Variants in ZNRD2 observed in about 807,000 individuals in gnomAD.
ZNRD2 encodes protein ZNRD2.
Under a neutral mutation model 22.0 loss-of-function variants are expected in ZNRD2, and 16 were observed. The ratio of observed to expected loss-of-function variants is 0.73; its 90% CI spans 0.49 to 1.11. The LOEUF is 1.11. ZNRD2 is among the 50% of genes least tolerant of loss of function. The pLI is 0.00. For missense variants in ZNRD2, 269 were observed against 258.9 expected (o/e 1.04, Z -0.27); for synonymous variants, 105 against 109.8 (o/e 0.96, Z 0.27).
Position 65,571,706 on chromosome 11 carries a change from T to C in ZNRD2, c.572T>C (p.Leu191Pro), listed in dbSNP as rs1565111266. ...CGLIRACAEA[L>P]RSLQQLQH ...CTTATCCGCGCATGTGCGGAGGCCCTGCGCAGCCTGCAGCAGCTACAGCAC... is the reference window on the plus strand; with the variant it reads ...CTTATCCGCGCATGTGCGGAGGCCCCGCGCAGCCTGCAGCAGCTACAGCAC... The change falls in exon 4 of 4, where the codon CTG becomes CCG. Residue 191 changes from leucine to proline, a missense_variant. Physicochemically the swap from Leu to Pro is moderately conservative, Grantham distance 98. Coordinates refer to ENST00000309328, the MANE Select transcript of ZNRD2 (RefSeq NM_006396.3). 6.2e-7 allele frequency: 1 copy of C among 1,611,730 alleles called. No individual in the cohort carries two copies.
rs1857115715 is a variant in ZNRD2, at chr11:65,571,048, G to A, written c.256+78G>A. 4.5e-6 allele frequency: 6 copies of A among 1,344,420 alleles called. No homozygotes were observed. The Admixed American group carries it at 5.6e-5, about 12-fold the overall frequency. 83.3% of individuals were successfully genotyped at this position (1,344,420 alleles called of 1,614,324 possible). Reference sequence around the variant, plus strand: ...CGTGGTTAAGTGGTGATAGAGGCCCGAGAACAGTAGGGCTGAGAGGTGACA... The same window carrying A: ...CGTGGTTAAGTGGTGATAGAGGCCCAAGAACAGTAGGGCTGAGAGGTGACA... On this transcript the variant is annotated intron_variant, in intron 3 of 3. Coordinates refer to ENST00000309328, the MANE Select transcript of ZNRD2 (RefSeq NM_006396.3).
Position 65,571,653 on chromosome 11 carries a change from C to A in ZNRD2, c.519C>A (p.Ser173=). The change falls in exon 4 of 4, where the codon TCC becomes TCA. Residue 173 remains serine, a synonymous_variant. Coordinates refer to ENST00000309328, the MANE Select transcript of ZNRD2 (RefSeq NM_006396.3). Reference sequence around the variant, plus strand: ...CTGCTGAACTGGGCTCTAGCACCTCCCTGGAGACTAGCATCCAGCTGTGTG... The same window carrying A: ...CTGCTGAACTGGGCTCTAGCACCTCACTGGAGACTAGCATCCAGCTGTGTG... The part of the protein sequence containing the change: ...WASAELGSST[S]LETSIQLCGL... The A allele has an allele frequency of 2.5e-6, 4 of 1,614,090 alleles. No homozygotes were observed. The highest frequency in any genetic ancestry group is 3.4e-6 in the Non-Finnish European group (4 of 1,180,034).
In ZNRD2 at chr11:65,570,485, C is replaced by CG. The variant is rs1857101663; in HGVS notation, c.-5dup. On this transcript the variant is annotated 5_prime_UTR_variant, in exon 1 of 4. Coordinates refer to ENST00000309328, the MANE Select transcript of ZNRD2 (RefSeq NM_006396.3). ...CTTCCTGTGAGCCCGGCGGTGACAA[C>CG]GGCAACATGGCCCTGAACGGAGCTG... 1 of 1,613,438 alleles carries CG rather than the reference C, an allele frequency of 6.2e-7. No individual in the cohort carries two copies. Among genetic ancestry groups the CG allele is most frequent in the Admixed American group, 1.7e-5 (1 of 60,008 alleles).
chr11:65,571,290 A>G, intron 3 of ZNRD2, 101 bp from the exon 4 acceptor site: 1 of 1,435,742 alleles, frequency 7.0e-7, no homozygotes, highest in Non-Finnish European at 9.3e-7. Flanking sequence ...GGACAGGGAA[A>G]ACACCTCAAG....
Position 65,571,459 on chromosome 11 carries a change from C to A in ZNRD2, c.325C>A (p.Leu109Met), listed in dbSNP as rs538598804. The change falls in exon 4 of 4, where the codon CTG (leucine) becomes ATG (methionine). Residue 109 changes from leucine to methionine, a missense_variant. Leu to Met is a conservative substitution (Grantham distance 15). Transcript: ENST00000309328. ...HQLASASELP[L>M]GSRPAPQPPV... ...GCTGGCCTCAGCCTCAGAGCTCCCC[C>A]TGGGCTCTCGACCTGCGCCCCAGCC... is the stretch of plus-strand genomic sequence containing the variant. 6.2e-7 allele frequency: 1 copy of A among 1,613,568 alleles called. No homozygotes were observed. The highest frequency in any genetic ancestry group is 1.3e-5 in the African/African-American group (1 of 75,072).
intron 3 of ZNRD2, 128 bp from the exon 4 acceptor site, chr11:65,571,263 T>G: frequency 2.5e-6 from 3 of 1,186,296 alleles, no homozygotes; most frequent in African/African-American, 1.5e-5. Context: ...AGAAAGTGGA[T>G]GAGTTGCCTT....
Position 65,570,496 on chromosome 11 carries a change from C to A in ZNRD2, c.5C>A (p.Ala2Asp). 1.2e-6 allele frequency: 2 copies of A among 1,613,728 alleles called. No individual in the cohort carries two copies. The highest frequency in any genetic ancestry group is 1.7e-6 in the Non-Finnish European group (2 of 1,179,944). Reference protein sequence around the residue: MALNGAEVDDFS... With the variant: MDLNGAEVDDFS... ...CCCGGCGGTGACAACGGCAACATGG[C>A]CCTGAACGGAGCTGGTGAGGACCTG... The change falls in exon 1 of 4, where the codon GCC becomes GAC. Residue 2 changes from alanine (A) to aspartate (D), a missense_variant. Physicochemically the swap from Ala to Asp is moderately radical, Grantham distance 126. Coordinates refer to ENST00000309328, the MANE Select transcript of ZNRD2 (RefSeq NM_006396.3).
rs749082526 is a variant in ZNRD2, at chr11:65,570,922, T to C, written c.208T>C (p.Cys70Arg). ...LLQDKQRKIY[C>R]VACQELDSDV... ...CCAAGACAAACAGCGGAAAATCTAC[T>C]GCGTGGCTTGTCAGGAACTCGACTC... Residue 70 changes from cysteine (C) to arginine (R), a missense_variant, in exon 3 of 4, where the codon TGC becomes CGC. Coordinates refer to ENST00000309328, the MANE Select transcript of ZNRD2 (RefSeq NM_006396.3). 2 of 1,614,134 alleles carry C rather than the reference T, an allele frequency of 1.2e-6. No homozygotes were observed. The highest frequency in any genetic ancestry group is 2.2e-5 in the South Asian group (2 of 91,082).
rs754225482 is a variant in ZNRD2, at chr11:65,570,878, G to T, written c.172-8G>T. On this transcript the variant is annotated splice_region_variant and splice_polypyrimidine_tract_variant and intron_variant, in intron 2 of 3. Transcript: ENST00000309328. ...TCATTCCGGCCCCGTGTGCTTTTTGGTCCGTAGACGATCCTCCTCCAAGAC... is the reference window on the plus strand; with the variant it reads ...TCATTCCGGCCCCGTGTGCTTTTTGTTCCGTAGACGATCCTCCTCCAAGAC... 4 of 1,614,114 alleles carry T rather than the reference G, an allele frequency of 2.5e-6. No individual in the cohort carries two copies. In the South Asian group the frequency reaches 3.3e-5, roughly 13 times the overall value.
In ZNRD2 at chr11:65,570,968, C is replaced by G; in HGVS notation, c.254C>G (p.Pro85Arg). ...GACTCAGACGTGGATAAAGATAATC[C>G]CGGTAAGAGTAAAAAATAATCCGGG... ...ELDSDVDKDN[P>R]ALNAQAALSQ... Residue 85 changes from proline (P) to arginine (R), a missense_variant and splice_region_variant, in exon 3 of 4, where the codon CCC becomes CGC. Pro to Arg is a moderately radical substitution (Grantham distance 103). Transcript: ENST00000309328. 2 of 1,613,838 alleles carry G rather than the reference C, an allele frequency of 1.2e-6. No individual in the cohort carries two copies. Among genetic ancestry groups the G allele is most frequent in the Non-Finnish European group, 1.7e-6 (2 of 1,179,838 alleles).
Position 65,571,725 on chromosome 11 carries a change from A to G in ZNRD2, c.591A>G (p.Leu197=), listed in dbSNP as rs755585114. ...AGGCCCTGCGCAGCCTGCAGCAGCTACAGCACTAAGAGAAGCCCCTGAGAA... is the reference window on the plus strand; with the variant it reads ...AGGCCCTGCGCAGCCTGCAGCAGCTGCAGCACTAAGAGAAGCCCCTGAGAA... ...CAEALRSLQQ[L]QH Residue 197 remains leucine (L), a synonymous_variant, in exon 4 of 4, where the codon CTA becomes CTG. Coordinates refer to ENST00000309328, the MANE Select transcript of ZNRD2 (RefSeq NM_006396.3). 5 of 1,606,978 alleles carry G rather than the reference A, an allele frequency of 3.1e-6. No homozygotes were observed. In the African/African-American group the frequency reaches 6.7e-5, roughly 22 times the overall value.
chr11:65,571,486 C>T lies in ZNRD2; in HGVS notation c.352C>T (p.Pro118Ser). 1.2e-6 allele frequency: 2 copies of T among 1,613,822 alleles called. No individual in the cohort carries two copies. Among genetic ancestry groups the T allele is most frequent in the Non-Finnish European group, 1.7e-6 (2 of 1,180,032 alleles). The change falls in exon 4 of 4, where the codon CCA (proline) becomes TCA (serine). Residue 118 changes from proline to serine, a missense_variant. Physicochemically the swap from Pro to Ser is moderately conservative, Grantham distance 74. Transcript: ENST00000309328. ...GGGCTCTCGACCTGCGCCCCAGCCC[C>T]CAGTACCTCGTCCGGAGCACTGTGA... ...PLGSRPAPQP[P>S]VPRPEHCEGA...
chr11:65,571,059 G>A, intron 3 of ZNRD2, 89 bp downstream of exon 3: 1 of 1,258,464 alleles, frequency 7.9e-7, no homozygotes, highest in Non-Finnish European at 1.1e-6. Flanking sequence ...AGAACAGTAG[G>A]GCTGAGAGGT....
Position 65,570,696 on chromosome 11 carries a change from A to T in ZNRD2, c.112A>T (p.Met38Leu), listed in dbSNP as rs1454361043. The T allele has an allele frequency of 6.2e-7, 1 of 1,613,864 alleles. No individual in the cohort carries two copies. The highest frequency in any genetic ancestry group is 8.5e-7 in the Non-Finnish European group (1 of 1,179,976). ...RERQDRISRL[M>L]GDYLLRGYRM... ...GCGGCAAGATCGCATCTCCCGGCTC[A>T]TGGGCGACTATCTGCTGCGCGGTTA... is the stretch of plus-strand genomic sequence containing the variant. Residue 38 changes from methionine (M) to leucine (L), a missense_variant, in exon 2 of 4, where the codon ATG becomes TTG. Met to Leu is a conservative substitution (Grantham distance 15, BLOSUM62 2). Coordinates refer to ENST00000309328, the MANE Select transcript of ZNRD2 (RefSeq NM_006396.3).
rs1353421858 is a variant in ZNRD2, at chr11:65,571,655, T to C, written c.521T>C (p.Leu174Pro). The C allele has an allele frequency of 8.1e-6, 13 of 1,613,924 alleles. No homozygotes were observed. Among genetic ancestry groups the C allele is most frequent in the Admixed American group, 1.7e-5 (1 of 60,010 alleles). The part of the protein sequence containing the change: ...ASAELGSSTS[L>P]ETSIQLCGLI... Reference sequence around the variant, plus strand: ...GCTGAACTGGGCTCTAGCACCTCCCTGGAGACTAGCATCCAGCTGTGTGGC... The same window carrying C: ...GCTGAACTGGGCTCTAGCACCTCCCCGGAGACTAGCATCCAGCTGTGTGGC... Residue 174 changes from leucine to proline, a missense_variant, in exon 4 of 4, where the codon CTG (leucine) becomes CCG (proline). By Grantham distance (98) the Leu-to-Pro change is moderately conservative. Transcript: ENST00000309328.
rs1190999960 is a variant in ZNRD2 at position 65,571,690 on chromosome 11, G to C, written c.556G>C (p.Ala186Pro). Reference sequence around the variant, plus strand: ...CATCCAGCTGTGTGGCCTTATCCGCGCATGTGCGGAGGCCCTGCGCAGCCT... The same window carrying C: ...CATCCAGCTGTGTGGCCTTATCCGCCCATGTGCGGAGGCCCTGCGCAGCCT... ...TSIQLCGLIRACAEALRSLQQ... is the reference protein window; with the variant it reads ...TSIQLCGLIRPCAEALRSLQQ... Residue 186 changes from alanine to proline, a missense_variant, in exon 4 of 4, where the codon GCA becomes CCA. Transcript: ENST00000309328. The C allele has an allele frequency of 6.2e-7, 1 of 1,613,552 alleles. No individual in the cohort carries two copies. Among genetic ancestry groups the C allele is most frequent in the African/African-American group, 1.3e-5 (1 of 74,920 alleles).
chr11:65,571,444 G>A lies in ZNRD2; in HGVS notation c.310G>A (p.Ala104Thr), dbSNP rs1244638247. 6.2e-7 allele frequency: 1 copy of A among 1,612,376 alleles called. No homozygotes were observed. Among genetic ancestry groups the A allele is most frequent in the Non-Finnish European group, 8.5e-7 (1 of 1,179,038 alleles). ...SQAREHQLAS[A>T]SELPLGSRPA... The stretch of plus-strand genomic sequence containing the variant: ...AGCTCGGGAGCACCAGCTGGCCTCA[G>A]CCTCAGAGCTCCCCCTGGGCTCTCG... The change falls in exon 4 of 4, where the codon GCC (alanine) becomes ACC (threonine). Residue 104 changes from alanine (A) to threonine (T), a missense_variant. Physicochemically the swap from Ala to Thr is moderately conservative, Grantham distance 58. Coordinates refer to ENST00000309328, the MANE Select transcript of ZNRD2 (RefSeq NM_006396.3).
intron 2 of ZNRD2, 25 bp downstream of exon 2, chr11:65,570,780 C>G: frequency 6.2e-7 from 1 of 1,612,928 alleles, no homozygotes; most frequent in Non-Finnish European, 8.5e-7. Context: ...GGGCGAGTGA[C>G]CGGGGATGGG....
Position 65,571,809 on chromosome 11 carries a change from T to C in ZNRD2, c.*75T>C. On this transcript the variant is annotated 3_prime_UTR_variant, in exon 4 of 4. Coordinates refer to ENST00000309328, the MANE Select transcript of ZNRD2 (RefSeq NM_006396.3). Reference sequence around the variant, plus strand: ...GGTTTGTTTTTTTCCTGGTTCCAAGTGTGCATGCCAGCCCCAGCTCCACTC... The same window carrying C: ...GGTTTGTTTTTTTCCTGGTTCCAAGCGTGCATGCCAGCCCCAGCTCCACTC... 1 of 1,463,526 alleles carries C rather than the reference T, an allele frequency of 6.8e-7. No individual in the cohort carries two copies. The highest frequency in any genetic ancestry group is 9.0e-7 in the Non-Finnish European group (1 of 1,108,176). 90.7% of individuals were successfully genotyped at this position (1,463,526 alleles called of 1,614,324 possible). A position where few individuals can be genotyped will look rare whatever the true frequency, so the allele number is the denominator to read the frequency against.
Sources: gnomAD v4.1 joint callset for allele counts on GRCh38, gnomAD v4.1.1 for gene constraint, MANE v1.5 for transcripts, NCBI Gene and HGNC (gene_info 2026-07-23, HGNC 2026-07-21) for gene names.